Variants in TRDN observed in about 807,000 individuals in gnomAD.
The protein encoded by TRDN is triadin in skeletal muscle.
In TRDN, 161 loss-of-function variants were observed where a neutral mutation model predicts 149.7. That is an observed-to-expected ratio of 1.08 (90% confidence interval 0.95 to 1.23). The LOEUF (loss-of-function observed/expected upper bound fraction) is 1.23. Among genes scored for constraint, TRDN ranks in the 50% most tolerant of loss-of-function variants. TRDN has a pLI of 0.00. For synonymous variants in TRDN, 294 were observed against 250.5 expected, an observed-to-expected ratio of 1.17 and a Z score of -1.64; for missense variants, 896 against 823.5, an observed-to-expected ratio of 1.09 and a Z score of -1.08.
intron 38 of TRDN, among the ~76,000 whole-genome samples, chr6:123,236,553 T>C (rs577739322): frequency 6.6e-6 from 1 of 152,302 alleles, no homozygotes; most frequent in African/African-American, 2.4e-5. Flanking sequence ...TGTTTTCTCC[T>C]AAAAGTTTGA....
intron 38 of TRDN, among the ~76,000 whole-genome samples, chr6:123,243,808 G>GA (rs1234823741): frequency 6.6e-6 from 1 of 152,008 alleles, no homozygotes; most frequent in Admixed American, 6.6e-5. Context: ...TTACAGTTAG[G>GA]ATGACATAAA....
At chr6:123,346,882 G>A (rs1780272291) in intron 21 of TRDN, among the ~76,000 whole-genome samples, 1 of 151,794 alleles carries the variant, frequency 6.6e-6, no homozygotes, top group Admixed American at 6.6e-5. Context: ...TGGCAAACTC[G>A]ACCTGAGAAA....
intron 10 of TRDN, among the ~76,000 whole-genome samples, chr6:123,458,475 T>TCCTC (rs1318546318): frequency 6.6e-6 from 1 of 152,180 alleles, no homozygotes; most frequent in African/African-American, 2.4e-5. Flanking sequence ...AGGAAGGAAG[T>TCCTC]CTTCTTTCAG....
intron 26 of TRDN, among the ~76,000 whole-genome samples, chr6:123,275,504 C>A (rs1239810742): frequency 6.6e-6 from 1 of 152,090 alleles, no homozygotes; most frequent in Non-Finnish European, 1.5e-5. Flanking sequence ...GGACTTTTAA[C>A]TTCCAAAATT....
rs1351171945 is a variant in TRDN, at chr6:123,352,588, T to G, written c.1322-2A>C. The G allele has an allele frequency of 1.2e-6, 2 of 1,609,986 alleles. No homozygotes were observed. The highest frequency in any genetic ancestry group is 1.7e-6 in the Non-Finnish European group (2 of 1,177,968). ...TCTCTTCCTTCTTTCCAGGTACAGC[T>G]GCAAAACAAAGATAAGGTTTAAAGA... On this transcript the variant is annotated splice_acceptor_variant, in intron 20 of 40. Transcript: ENST00000334268. LOFTEE classifies it high-confidence loss of function.
At chr6:123,489,641 T>C (rs1332805958) in intron 9 of TRDN, 1 of 152,176 alleles carries the variant, frequency 6.6e-6, no homozygotes, top group Non-Finnish European at 1.5e-5. Flanking sequence ...GATCTTTTTT[T>C]TCTTATATTA....
intron 1 of TRDN, among the ~76,000 whole-genome samples, chr6:123,572,502 T>A (rs918819823): frequency 1.3e-5 from 2 of 152,074 alleles, no homozygotes; most frequent in Non-Finnish European, 2.9e-5. Context: ...ACTTGACTCG[T>A]AGAAAGTTAA....
At chr6:123,630,338 C>T (rs1785923331) in intron 1 of TRDN, among the ~76,000 whole-genome samples, 1 of 151,878 alleles carries the variant, frequency 6.6e-6, no homozygotes, top group Admixed American at 6.6e-5. Context: ...AAATCTTAAC[C>T]ATTTTCTTTT....
At chr6:123,470,208 T>C (rs545433707) in intron 9 of TRDN, 19 of 152,192 alleles carry the variant, frequency 1.2e-4, no homozygotes, top group Non-Finnish European at 2.8e-4. Context: ...ACAACATATA[T>C]AGGACTTCCT....
intron 1 of TRDN, among the ~76,000 whole-genome samples, chr6:123,615,740 G>C (rs2114694267): frequency 6.6e-6 from 1 of 152,218 alleles, no homozygotes; most frequent in South Asian, 2.1e-4. Flanking sequence ...GGTTACTAGA[G>C]GCTAGAAAGT....
intron 38 of TRDN, among the ~76,000 whole-genome samples, chr6:123,243,778 T>G (rs569648550): frequency 6.6e-6 from 1 of 152,092 alleles, no homozygotes; most frequent in Non-Finnish European, 1.5e-5. Flanking sequence ...AATAACTTAA[T>G]GATGAGCAAT....
chr6:123,382,232 C>A (rs1421388169), intron 14 of TRDN, 85 bp from the exon 15 acceptor site: 4 of 873,160 alleles, frequency 4.6e-6, no homozygotes, highest in South Asian at 2.2e-5. Flanking sequence ...TATAAACAAT[C>A]AAATAAAATT....
In TRDN at chr6:123,254,140, T is replaced by G. The variant is rs551427040; in HGVS notation, c.1951+941A>C. ...AACCATACATTTTCTAATTAATTTA[T>G]TTTTTTCTCATCCTTCTGGCTGATT... is the stretch of plus-strand genomic sequence containing the variant. On this transcript the variant is annotated intron_variant, in intron 37 of 40. Coordinates refer to ENST00000334268, the MANE Select transcript of TRDN (RefSeq NM_006073.4). 2.6e-5 allele frequency among the ~76,000 whole-genome samples: 4 copies of G among 152,216 alleles called. No individual in the cohort carries two copies. The East Asian group carries it at 5.8e-4, about 22-fold the overall frequency.
intron 21 of TRDN, among the ~76,000 whole-genome samples, chr6:123,348,954 C>T (rs567682789): frequency 5.9e-5 from 9 of 152,064 alleles, no homozygotes; most frequent in Admixed American, 1.3e-4. Flanking sequence ...CCATCAATGT[C>T]TGAATCACAT....
intron 9 of TRDN, among the ~76,000 whole-genome samples, chr6:123,492,360 C>T (rs1170820666): frequency 6.6e-6 from 1 of 152,132 alleles, no homozygotes. Flanking sequence ...TAAGCACAAG[C>T]ACACTAGCCC....
At chr6:123,260,668 A>T (rs991592168) in intron 33 of TRDN, 30 bp from the exon 34 acceptor site, 12 of 1,399,090 alleles carry the variant, frequency 8.6e-6, no homozygotes, top group Admixed American at 2.8e-5. Context: ...AAGAATGTAG[A>T]AAGAAAGGAA....
chr6:123,218,574 G>T lies in TRDN; in HGVS notation c.*27C>A. ...AACATCACATTTTTAAAATCTTAAA[G>T]CACTTGTAAGGGTCATACATGTGTG... On this transcript the variant is annotated 3_prime_UTR_variant, in exon 41 of 41. Coordinates refer to ENST00000334268, the MANE Select transcript of TRDN (RefSeq NM_006073.4). 1.3e-6 allele frequency: 2 copies of T among 1,586,518 alleles called. No individual in the cohort carries two copies. Among genetic ancestry groups the T allele is most frequent in the Non-Finnish European group, 1.7e-6 (2 of 1,168,088 alleles).
intron 23 of TRDN, among the ~76,000 whole-genome samples, chr6:123,328,853 G>A (rs1779561518): frequency 6.6e-6 from 1 of 152,216 alleles, no homozygotes; most frequent in South Asian, 2.1e-4. Context: ...ATTGCCTTAT[G>A]TGATCCTGGT....
intron 33 of TRDN, among the ~76,000 whole-genome samples, chr6:123,263,209 C>T (rs565361344): frequency 6.6e-6 from 1 of 152,100 alleles, no homozygotes; most frequent in African/African-American, 2.4e-5. Context: ...ATTGCTGAGA[C>T]AAAGAAAGAT....
Sources: gnomAD v4.1 joint callset for allele counts (sites outside exome capture counted in the v4.1 genomes callset) on GRCh38, gnomAD v4.1.1 for gene constraint, MANE v1.5 for transcripts, NCBI Gene and HGNC (gene_info 2026-07-23, HGNC 2026-07-21) for gene names.